The following BCAM variants were observed in gnomAD, a reference collection of about 807,000 sequenced individuals.
BCAM encodes the protein basal cell adhesion molecule.
A neutral mutation model predicts 72.4 loss-of-function variants in BCAM; 61 were observed. That is an observed-to-expected ratio of 0.84 (90% CI 0.69 to 1.04). The LOEUF is 1.04. Among genes scored for constraint, BCAM ranks in the 50% least tolerant of loss-of-function variants. The pLI, the probability that BCAM is intolerant of heterozygous loss-of-function variation, is 0.00. For missense variants in BCAM, 909 were observed against 895.0 expected, an observed-to-expected ratio of 1.02 and a Z score of -0.20; for synonymous variants, 408 against 384.2, an observed-to-expected ratio of 1.06 and a Z score of -0.73.
chr19:44,811,060 G>T (rs1394398523), intron 1 of BCAM, among the ~76,000 whole-genome samples, 165 bp from the exon 2 acceptor site: 3 of 150,810 alleles, frequency 2.0e-5, no homozygotes, highest in Non-Finnish European at 4.4e-5. Flanking sequence ...GGGGACAGGG[G>T]CCCAGATTCC....
chr19:44,811,888 AAAAAG>A, intron 2 of BCAM: 2 of 523,222 alleles, frequency 3.8e-6, no homozygotes, highest in Non-Finnish European at 6.7e-6. Flanking sequence ...TATCTCAAAA[AAAAAG>A]AGGAAAGAAA....
intron 2 of BCAM, chr19:44,811,568 TGAGA>T (rs1284833030): frequency 6.7e-6 from 4 of 601,500 alleles, no homozygotes; most frequent in African/African-American, 3.8e-5. Flanking sequence ...TGCGGGCTCT[TGAGA>T]GAGAGAACAG....
chr19:44,815,785 G>A (rs1025200378), intron 8 of BCAM, among the ~76,000 whole-genome samples: 2 of 152,012 alleles, frequency 1.3e-5, no homozygotes, highest in Non-Finnish European at 2.9e-5. Context: ...CAGGAGGATT[G>A]TATGAGCCTA....
Position 44,813,009 on chromosome 19 carries a change from C to T in BCAM, c.505-241C>T. ...AGAAAGGAAGGGCAGAGGGGGAAGA[C>T]TCCTGTGTCCTAGGAAGGAGAGAGC... On this transcript the variant is annotated intron_variant, in intron 4 of 14. Transcript: ENST00000270233. This position sits in a 1 kb window ranked among gnomAD's most constrained non-coding sequence, Gnocchi z 4.2. 1.9e-6 allele frequency: 1 copy of T among 528,246 alleles called. No individual in the cohort carries two copies. The highest frequency in any genetic ancestry group is 3.3e-6 in the Non-Finnish European group (1 of 301,602). 32.7% of individuals were successfully genotyped at this position (528,246 alleles called of 1,614,324 possible).
rs1968458213 is a variant in BCAM, at chr19:44,813,499, C to G, written c.663C>G (p.Thr221=). The change falls in exon 6 of 15, where the codon ACC becomes ACG. Residue 221 remains threonine (T), a synonymous_variant. Coordinates refer to ENST00000270233, the MANE Select transcript of BCAM (RefSeq NM_005581.5). The surrounding 1 kb of genome is among the most constrained non-coding windows in gnomAD (Gnocchi z 4.2). ...EASGLLSLTS[T]LYLRLRKDDR... ...CGGGCCTGCTCTCCCTCACCAGCACCCTCTACCTGCGGCTCCGCAAGGATG... is the reference window on the plus strand; with the variant it reads ...CGGGCCTGCTCTCCCTCACCAGCACGCTCTACCTGCGGCTCCGCAAGGATG... The G allele has an allele frequency of 6.2e-7, 1 of 1,612,540 alleles. No individual in the cohort carries two copies. The highest frequency in any genetic ancestry group is 1.3e-5 in the African/African-American group (1 of 74,922).
chr19:44,813,774 C>T lies in BCAM; in HGVS notation c.784+154C>T. ...CTAGTGCTGGCCACTGACCTCTGAC[C>T]TCAATTGGTCGCACAAGCCCCATCC... On this transcript the variant is annotated intron_variant, in intron 6 of 14. Coordinates refer to ENST00000270233, the MANE Select transcript of BCAM (RefSeq NM_005581.5). The surrounding 1 kb of genome is among the most constrained non-coding windows in gnomAD (Gnocchi z 4.2). 3.6e-6 allele frequency: 4 copies of T among 1,118,240 alleles called. No individual in the cohort carries two copies. Among genetic ancestry groups the T allele is most frequent in the Non-Finnish European group, 5.0e-6 (4 of 806,062 alleles). 69.3% of individuals were successfully genotyped at this position (1,118,240 alleles called of 1,614,324 possible). A position where few individuals can be genotyped will look rare whatever the true frequency, so the allele number is the denominator to read the frequency against.
chr19:44,816,026 T>G, intron 8 of BCAM, among the ~76,000 whole-genome samples: 1 of 146,032 alleles, frequency 6.8e-6, no homozygotes, highest in African/African-American at 2.6e-5. Context: ...AAAATAAAAA[T>G]AAAAAAGTAG....
chr19:44,813,620 TGTGA>T lies in BCAM; in HGVS notation c.784+3_784+6del, dbSNP rs765796888. Reference sequence around the variant, plus strand: ...CCCCACCTTCCACCTCACCCTGCACTGTGAGTCTGTGCTGGCCTTTGACCTCTGA... The same window carrying T: ...CCCCACCTTCCACCTCACCCTGCACTGTCTGTGCTGGCCTTTGACCTCTGA... On this transcript the variant is annotated splice_donor_variant and splice_donor_region_variant and intron_variant, in intron 6 of 14. Transcript: ENST00000270233. LOFTEE classifies it high-confidence loss of function. This position sits in a 1 kb window ranked among gnomAD's most constrained non-coding sequence, Gnocchi z 4.2. 1.9e-6 allele frequency: 3 copies of T among 1,611,342 alleles called. No homozygotes were observed. The highest frequency in any genetic ancestry group is 1.7e-5 in the Admixed American group (1 of 59,952).
rs765870294 is a variant in BCAM, at chr19:44,819,616, C to T, written c.1653C>T (p.Val551=). The T allele has an allele frequency of 6.2e-7, 1 of 1,613,524 alleles. No individual in the cohort carries two copies. Among genetic ancestry groups the T allele is most frequent in the East Asian group, 2.2e-5 (1 of 44,884 alleles). The change falls in exon 13 of 15, where the codon GTC becomes GTT. Residue 551 remains valine (V), a synonymous_variant. Transcript: ENST00000270233. The stretch of plus-strand genomic sequence containing the variant: ...AGACCTCCCAGGCTGGAGTGGCCGT[C>T]ATGGCCGTGGCCGTCAGCGTGGGCC... ...SPQTSQAGVA[V]MAVAVSVGLL... is the part of the protein sequence containing the mutation.
chr19:44,814,905 G>C lies in BCAM; in HGVS notation c.1078+145G>C. 1 of 826,990 alleles carries C rather than the reference G, an allele frequency of 1.2e-6. No individual in the cohort carries two copies. The highest frequency in any genetic ancestry group is 1.6e-6 in the Non-Finnish European group (1 of 611,432). The allele number at this position is 826,990 out of a possible 1,614,324, so 51.2% of individuals were successfully genotyped here. ...TCTGCATTTCTTGGGGGTTTTTTTG[G>C]TTGTTTTTTTTTTTTTTTTTTTCCC... On this transcript the variant is annotated intron_variant, in intron 8 of 14. Transcript: ENST00000270233. This position sits in a 1 kb window ranked among gnomAD's most constrained non-coding sequence, Gnocchi z 4.6.
In BCAM at chr19:44,809,195, C is replaced by T. The variant is rs1465467297; in HGVS notation, c.71C>T (p.Ala24Val). ...CTGCTGTTGCTCGCAGTCCTGCTGG[C>T]GGCGCACCCAGGTATGGCTCGGGCT... is the stretch of plus-strand genomic sequence containing the variant. ...PRLLLLAVLL[A>V]AHPDAQAEVR... The change falls in exon 1 of 15, where the codon GCG becomes GTG. Residue 24 changes from alanine (A) to valine (V), a missense_variant. Physicochemically the swap from Ala to Val is moderately conservative, Grantham distance 64. Coordinates refer to ENST00000270233, the MANE Select transcript of BCAM (RefSeq NM_005581.5). 4.1e-6 allele frequency: 6 copies of T among 1,474,952 alleles called. No individual in the cohort carries two copies. Among genetic ancestry groups the T allele is most frequent in the East Asian group, 3.0e-5 (1 of 33,738 alleles). 91.4% of individuals were successfully genotyped at this position (1,474,952 alleles called of 1,614,324 possible).
Position 44,819,656 on chromosome 19 carries a change from G to A in BCAM, c.1693G>A (p.Val565Ile), listed in dbSNP as rs139746192. The A allele has an allele frequency of 2.5e-4, 402 of 1,613,570 alleles. No homozygotes were observed. Among genetic ancestry groups the A allele is most frequent in the Non-Finnish European group, 3.2e-4 (381 of 1,179,792 alleles). ...CAGCGTGGGCCTCCTGCTCCTCGTC[G>A]TTGCTGTCTTCTACTGCGTGAGACG... The part of the protein sequence containing the change: ...AVSVGLLLLV[V>I]AVFYCVRRKG... The change falls in exon 13 of 15, where the codon GTT becomes ATT. Residue 565 changes from valine (V) to isoleucine (I), a missense_variant. By Grantham distance (29) the Val-to-Ile change is conservative. Transcript: ENST00000270233.
chr19:44,818,739 A>T lies in BCAM; in HGVS notation c.1195-2A>T. The stretch of plus-strand genomic sequence containing the variant: ...GTCCTCCTCCTCCTCTGCCCTTCCC[A>T]GGACTCCACTCCCCTGGGCGATGGC... On this transcript the variant is annotated splice_acceptor_variant, in intron 9 of 14. Transcript: ENST00000270233. LOFTEE classifies it high-confidence loss of function. This position sits in a 1 kb window ranked among gnomAD's most constrained non-coding sequence, Gnocchi z 4.6. 6.2e-7 allele frequency: 1 copy of T among 1,613,798 alleles called. No homozygotes were observed. The highest frequency in any genetic ancestry group is 8.5e-7 in the Non-Finnish European group (1 of 1,179,894).
chr19:44,815,043 G>C (rs559569426), intron 8 of BCAM, among the ~76,000 whole-genome samples: 2 of 151,394 alleles, frequency 1.3e-5, no homozygotes, highest in South Asian at 2.1e-4. Flanking sequence ...GCATCTTGTC[G>C]AGAGCTCTTT....
At position 44,814,289 on chromosome 19, in the gene BCAM, G is replaced by A; in HGVS notation, c.921+1G>A. 2 of 1,593,090 alleles carry A rather than the reference G, an allele frequency of 1.3e-6. No homozygotes were observed. The highest frequency in any genetic ancestry group is 8.5e-7 in the Non-Finnish European group (1 of 1,175,302). ...GGAGTATACGCTTTTCCGCCTTCAG[G>A]TGACCCACCCAAGGGTCCCTCTGGG... On this transcript the variant is annotated splice_donor_variant, in intron 7 of 14. Coordinates refer to ENST00000270233, the MANE Select transcript of BCAM (RefSeq NM_005581.5). LOFTEE classifies it high-confidence loss of function. The surrounding 1 kb of genome is among the most constrained non-coding windows in gnomAD (Gnocchi z 4.6).
intron 1 of BCAM, among the ~76,000 whole-genome samples, chr19:44,810,204 C>G (rs1390057551): frequency 6.6e-6 from 1 of 152,058 alleles, no homozygotes; most frequent in Non-Finnish European, 1.5e-5. Context: ...TCTACAATAA[C>G]TACTCCACCA....
rs148391498 is a variant in BCAM, at chr19:44,819,367, C to A, written c.1495C>A (p.Arg499=). 1 of 1,613,960 alleles carries A rather than the reference C, an allele frequency of 6.2e-7. No homozygotes were observed. Among genetic ancestry groups the A allele is most frequent in the Non-Finnish European group, 8.5e-7 (1 of 1,179,962 alleles). ...GGSPAEPIPG[R]QGWVSSSLTL... The stretch of plus-strand genomic sequence containing the variant: ...ATAGCCCGCAGAGCCAATCCCCGGA[C>A]GGCAGGGTTGGGTGAGCAGCTCTCT... The change falls in exon 12 of 15, where the codon CGG becomes AGG. Residue 499 remains arginine (R), a synonymous_variant. Coordinates refer to ENST00000270233, the MANE Select transcript of BCAM (RefSeq NM_005581.5).
In BCAM at chr19:44,813,417, AC is replaced by A; in HGVS notation, c.602-19del. Reference sequence around the variant, plus strand: ...CGGGGCTATGGCCTGGCTGACTGCCACCTCCCCCGATCTCTCCCAGAGGGCT... The same window carrying A: ...CGGGGCTATGGCCTGGCTGACTGCCACTCCCCCGATCTCTCCCAGAGGGCT... On this transcript the variant is annotated intron_variant, in intron 5 of 14. Coordinates refer to ENST00000270233, the MANE Select transcript of BCAM (RefSeq NM_005581.5). The surrounding 1 kb of genome is among the most constrained non-coding windows in gnomAD (Gnocchi z 4.2). The A allele has an allele frequency of 6.2e-7, 1 of 1,606,534 alleles. No individual in the cohort carries two copies. The highest frequency in any genetic ancestry group is 8.5e-7 in the Non-Finnish European group (1 of 1,176,366).
intron 8 of BCAM, among the ~76,000 whole-genome samples, chr19:44,816,069 A>G (rs556583214): frequency 1.3e-3 from 194 of 151,648 alleles, no homozygotes; most frequent in African/African-American, 4.6e-3. Flanking sequence ...TGTAATCCCA[A>G]CACTTTGGGA....
Sources: allele counts gnomAD v4.1 joint callset (sites outside exome capture counted in the v4.1 genomes callset), GRCh38; gene constraint gnomAD v4.1.1; non-coding constraint Gnocchi (gnomAD v3.1); transcripts MANE v1.5; gene names NCBI Gene and HGNC (gene_info 2026-07-23, HGNC 2026-07-21).